Variants in BLNK observed in about 807,000 individuals in gnomAD.
BLNK encodes the protein B-cell linker protein.
A neutral mutation model predicts 73.5 loss-of-function variants in BLNK; 29 were observed. The observed-to-expected ratio is 0.39, with a 90% CI of 0.29 to 0.54. The LOEUF is 0.54. Ranked by LOEUF, BLNK falls within the 20% of genes least tolerant of loss-of-function variation. The probability of loss-of-function intolerance (pLI) is 0.61; values close to 1 mark genes in which losing one functional copy is unlikely to be tolerated. For missense variants in BLNK, 460 were observed against 562.8 expected, an observed-to-expected ratio of 0.82 and a Z score of 1.85; for synonymous variants, 176 against 200.8, an observed-to-expected ratio of 0.88 and a Z score of 1.04.
intron 1 of BLNK, among the ~76,000 whole-genome samples, chr10:96,260,487 G>A (rs1226523332): frequency 1.3e-5 from 2 of 152,140 alleles, no homozygotes; most frequent in Admixed American, 6.5e-5. Flanking sequence ...AAATAAAAGT[G>A]TCTTAAGAAT....
intron 8 of BLNK, 143 bp from the exon 9 acceptor site, chr10:96,210,050 GA>G: frequency 1.2e-6 from 1 of 865,676 alleles, no homozygotes; most frequent in Non-Finnish European, 1.9e-6. Flanking sequence ...TAGTTATATT[GA>G]AGCTATTAAG....
intron 1 of BLNK, among the ~76,000 whole-genome samples, chr10:96,259,271 G>A (rs138662535): frequency 6.6e-6 from 1 of 152,316 alleles, no homozygotes; most frequent in African/African-American, 2.4e-5. Context: ...TGGTCCCCAA[G>A]GTTAGACATT....
At chr10:96,204,315 T>C in intron 12 of BLNK, 1 of 703,976 alleles carries the variant, frequency 1.4e-6, no homozygotes, top group South Asian at 1.8e-5. Context: ...TATTGTATTT[T>C]AGTCAAGTTC....
chr10:96,200,474 A>G lies in BLNK; in HGVS notation c.1012-316T>C, dbSNP rs2083602201. Among the ~76,000 whole-genome samples the G allele has an allele frequency of 6.6e-6, 1 of 152,226 alleles. No homozygotes were observed. The highest frequency in any genetic ancestry group is 2.4e-5 in the African/African-American group (1 of 41,538). On this transcript the variant is annotated intron_variant, in intron 14 of 16. Transcript: ENST00000224337. The surrounding 1 kb of genome is among the most constrained non-coding windows in gnomAD (Gnocchi z 4.3). The stretch of plus-strand genomic sequence containing the variant: ...TGGAGTGCTTTACAATTTCCAAAGC[A>G]TTTTTACAAATATTATTTTATTTGA...
Position 96,223,959 on chromosome 10 carries a change from G to A in BLNK, c.392C>T (p.Pro131Leu), listed in dbSNP as rs145528025. 16 of 1,613,200 alleles carry A rather than the reference G, an allele frequency of 9.9e-6. No individual in the cohort carries two copies. In the African/African-American group the frequency reaches 2.1e-4, roughly 22 times the overall value. ...CTTACTGGGAAGTGTCTTGCTGAAG[G>A]GTGGGGAATGCCTCTGGCTTGATCG... Reference protein sequence around the residue: ...DNRSSQRHSPPFSKTLPSKPS... With the variant: ...DNRSSQRHSPLFSKTLPSKPS... The change falls in exon 6 of 17, where the codon CCC becomes CTC. Residue 131 changes from proline (P) to leucine (L), a missense_variant. Pro to Leu is a moderately conservative substitution (Grantham distance 98, BLOSUM62 -3). This residue lies in a region of BLNK where 139 missense variants were observed against 187.3 expected (regional missense o/e 0.74). Transcript: ENST00000224337.
intron 6 of BLNK, among the ~76,000 whole-genome samples, chr10:96,216,970 C>T (rs587707605): frequency 4.6e-5 from 7 of 152,308 alleles, no homozygotes; most frequent in Admixed American, 3.3e-4. Context: ...CCATTAGTCA[C>T]TCCCCATCCA....
intron 6 of BLNK, among the ~76,000 whole-genome samples, chr10:96,220,607 C>A (rs1229110665): frequency 1.3e-5 from 2 of 152,170 alleles, no homozygotes; most frequent in African/African-American, 4.8e-5. Flanking sequence ...TTATTGACCA[C>A]TTTGACATTG....
At chr10:96,204,681 C>T in intron 11 of BLNK, 65 bp from the exon 12 acceptor site, 1 of 1,527,640 alleles carries the variant, frequency 6.5e-7, no homozygotes. Context: ...CAAAACCCAG[C>T]AACATCAGCT....
intron 6 of BLNK, among the ~76,000 whole-genome samples, chr10:96,220,298 C>T (rs587694735): frequency 1.3e-5 from 2 of 152,040 alleles, no homozygotes; most frequent in Non-Finnish European, 2.9e-5. Context: ...CTTGTCAGTG[C>T]GAGACGACGA....
chr10:96,261,924 A>G (rs1001098478), intron 1 of BLNK, among the ~76,000 whole-genome samples: 1 of 152,202 alleles, frequency 6.6e-6, no homozygotes, highest in Non-Finnish European at 1.5e-5. Context: ...AAGGGGTAAA[A>G]AATGGAATGG....
intron 15 of BLNK, among the ~76,000 whole-genome samples, chr10:96,198,608 G>C (rs781832380): frequency 3.7e-4 from 56 of 152,328 alleles, no homozygotes; most frequent in African/African-American, 1.3e-3. Flanking sequence ...ATCTAGTGGA[G>C]CAACACTTTT....
intron 2 of BLNK, 87 bp downstream of exon 2, chr10:96,246,897 C>G: frequency 1.0e-6 from 1 of 988,992 alleles, no homozygotes; most frequent in Non-Finnish European, 1.5e-6. Flanking sequence ...AACTTCTCAT[C>G]CAGGTAACAG....
intron 5 of BLNK, 74 bp downstream of exon 5, chr10:96,227,335 AC>A: frequency 6.3e-7 from 1 of 1,576,458 alleles, no homozygotes; most frequent in Non-Finnish European, 8.6e-7. Flanking sequence ...GTTTGTCCCC[AC>A]CCCGCAATCT....
chr10:96,191,961 T>C lies in BLNK; in HGVS notation c.*12A>G. On this transcript the variant is annotated 3_prime_UTR_variant, in exon 17 of 17. Transcript: ENST00000224337. ...TGTCTGAAGCAATGGTATTGATCTT[T>C]TTTTTCCCCCTTTATGAAACTTTAA... The C allele has an allele frequency of 6.2e-7, 1 of 1,613,610 alleles. No homozygotes were observed. Among genetic ancestry groups the C allele is most frequent in the Non-Finnish European group, 8.5e-7 (1 of 1,179,650 alleles).
rs150495829 is a variant in BLNK at position 96,189,698 on chromosome 10, A to AATCATC, written c.*2269_*2274dup. The AATCATC allele has an allele frequency of 0.037, 24,505 of 655,230 alleles. 870 individuals carry two copies. Among genetic ancestry groups the AATCATC allele is most frequent in the East Asian group, 0.17 (6,354 of 37,606 alleles). The allele number at this position is 655,230 out of a possible 1,614,324, so 40.6% of individuals were successfully genotyped here. ...TTTTCTTCAGTTTCCTCATCATCAAAATCATCATCATCATCATCATCATCA... is the reference window on the plus strand; with the variant it reads ...TTTTCTTCAGTTTCCTCATCATCAAAATCATCATCATCATCATCATCATCATCATCA... On this transcript the variant is annotated 3_prime_UTR_variant, in exon 17 of 17. Transcript: ENST00000224337.
At chr10:96,211,330 A>G (rs2083943200) in intron 8 of BLNK, among the ~76,000 whole-genome samples, 2 of 152,202 alleles carry the variant, frequency 1.3e-5, no homozygotes, top group African/African-American at 4.8e-5. Context: ...AAAGCACATG[A>G]AGGCACTGTG....
rs1304830554 is a variant in BLNK at position 96,224,106 on chromosome 10, T to C, written c.362-117A>G. ...CGGGTGTCTATGTAGCCACAAATGA[T>C]CCACGGGGCATTCCTTGAAAGAGTA... On this transcript the variant is annotated intron_variant, in intron 5 of 16. Transcript: ENST00000224337. 4 of 1,177,414 alleles carry C rather than the reference T, an allele frequency of 3.4e-6. No individual in the cohort carries two copies. The African/African-American group carries it at 6.1e-5, about 18-fold the overall frequency. 72.9% of individuals were successfully genotyped at this position (1,177,414 alleles called of 1,614,324 possible). A position where few individuals can be genotyped will look rare whatever the true frequency, so the allele number is the denominator to read the frequency against.
intron 1 of BLNK, among the ~76,000 whole-genome samples, chr10:96,265,595 C>A (rs782243242): frequency 1.3e-5 from 2 of 152,106 alleles, no homozygotes; most frequent in Non-Finnish European, 1.5e-5. Flanking sequence ...GATTTATTGC[C>A]CCTCCTCTAG....
At chr10:96,208,311 C>T (rs2083869761) in intron 9 of BLNK, among the ~76,000 whole-genome samples, 2 of 152,288 alleles carry the variant, frequency 1.3e-5, no homozygotes, top group Middle Eastern at 3.4e-3. Context: ...GTGGGGGTTA[C>T]TGTCCAGGAC....
Sources: allele counts gnomAD v4.1 joint callset (sites outside exome capture counted in the v4.1 genomes callset), GRCh38; gene constraint gnomAD v4.1.1; regional missense constraint gnomAD v4.1.1; non-coding constraint Gnocchi (gnomAD v3.1); transcripts MANE v1.5; gene names NCBI Gene and HGNC (gene_info 2026-07-23, HGNC 2026-07-21).